The following JADE1 variants were observed in gnomAD, a reference collection of about 807,000 sequenced individuals.
JADE1 encodes the protein protein Jade-1.
A neutral mutation model predicts 81.8 loss-of-function variants in JADE1; 14 were observed. The observed-to-expected ratio is 0.17, with a 90% CI of 0.11 to 0.27. JADE1 has a LOEUF of 0.27. Among genes scored for constraint, JADE1 ranks in the 10% least tolerant of loss-of-function variants. The pLI, the probability that JADE1 is intolerant of heterozygous loss-of-function variation, is 1.00. For synonymous variants in JADE1, 353 were observed against 391.9 expected (o/e 0.90, Z 1.17); for missense variants, 690 against 1,047.9 (o/e 0.66, Z 4.71).
At chr4:128,841,620 A>C (rs1399985720) in intron 2 of JADE1, among the ~76,000 whole-genome samples, 1 of 152,192 alleles carries the variant, frequency 6.6e-6, no homozygotes, top group Non-Finnish European at 1.5e-5. Flanking sequence ...GATCTAAGGA[A>C]TACCTTAGGA....
intron 2 of JADE1, among the ~76,000 whole-genome samples, chr4:128,842,539 G>T (rs1729527507): frequency 6.6e-6 from 1 of 152,090 alleles, no homozygotes; most frequent in Non-Finnish European, 1.5e-5. Flanking sequence ...ACCTCAGGTG[G>T]TCCACCTGCC....
In JADE1 at chr4:128,846,227, G is replaced by A. The variant is rs1206673829; in HGVS notation, c.139-148G>A. Reference sequence around the variant, plus strand: ...CTGAGTGAGGTAAAAGGCGTGTCAGGCAAAGTTTTTCTGTAATAGGTCAGG... The same window carrying A: ...CTGAGTGAGGTAAAAGGCGTGTCAGACAAAGTTTTTCTGTAATAGGTCAGG... On this transcript the variant is annotated intron_variant, in intron 3 of 10. Transcript: ENST00000226319. This position sits in a 1 kb window ranked among gnomAD's most constrained non-coding sequence, Gnocchi z 4.0. 7 of 770,822 alleles carry A rather than the reference G, an allele frequency of 9.1e-6. No homozygotes were observed. Among genetic ancestry groups the A allele is most frequent in the Non-Finnish European group, 1.5e-5 (7 of 478,854 alleles). 47.7% of individuals were successfully genotyped at this position (770,822 alleles called of 1,614,324 possible). A position where few individuals can be genotyped will look rare whatever the true frequency, so the allele number is the denominator to read the frequency against.
intron 1 of JADE1, among the ~76,000 whole-genome samples, chr4:128,825,579 A>G (rs1371350008): frequency 1.3e-5 from 2 of 152,078 alleles, no homozygotes; most frequent in Non-Finnish European, 2.9e-5. Context: ...TTGCTATCTC[A>G]TGTGCATGTA....
intron 1 of JADE1, among the ~76,000 whole-genome samples, chr4:128,813,157 C>A (rs936882197): frequency 4.6e-5 from 7 of 152,144 alleles, no homozygotes; most frequent in African/African-American, 1.7e-4. Flanking sequence ...TAGTAAGTTG[C>A]ATTTTGATCA....
intron 1 of JADE1, among the ~76,000 whole-genome samples, chr4:128,810,827 T>A (rs944895928): frequency 1.3e-5 from 2 of 152,110 alleles, no homozygotes; most frequent in South Asian, 2.1e-4. Context: ...GCGCGACTGC[T>A]TGTAAAGTGT....
At chr4:128,857,235 G>T (rs923053657) in intron 7 of JADE1, 103 bp from the exon 8 acceptor site, 4 of 892,766 alleles carry the variant, frequency 4.5e-6, no homozygotes, top group Non-Finnish European at 7.4e-6. Flanking sequence ...GCCACTGTCT[G>T]GTAGGAGAGA....
chr4:128,862,961 G>T, intron 9 of JADE1: 1 of 986,186 alleles, frequency 1.0e-6, no homozygotes, highest in African/African-American at 1.7e-5. Flanking sequence ...CTGTGTGCGG[G>T]TATGGGTGGG....
intron 9 of JADE1, chr4:128,863,276 T>G: frequency 1.0e-6 from 1 of 985,530 alleles, no homozygotes; most frequent in Non-Finnish European, 1.2e-6. Context: ...TGGGGATGCT[T>G]CTTAGAGCAT....
In JADE1 at chr4:128,843,017, T is replaced by A. The variant is rs745697367; in HGVS notation, c.117T>A (p.His39Gln). 1 of 1,614,012 alleles carries A rather than the reference T, an allele frequency of 6.2e-7. No individual in the cohort carries two copies. The highest frequency in any genetic ancestry group is 2.2e-5 in the East Asian group (1 of 44,874). Residue 39 changes from histidine to glutamine, a missense_variant, in exon 3 of 11, where the codon CAT becomes CAA. His to Gln is a conservative substitution (Grantham distance 24, BLOSUM62 0). Around this residue, in one of 8 missense-constraint regions of JADE1, gnomAD observed 59 missense variants for 52.8 expected, o/e 1.12. Transcript: ENST00000226319. ...SQHRRSSCSR[H>Q]EDRKPSEVFR... ...ATAGGAGAAGCTCCTGCTCCAGACA[T>A]GAAGATCGAAAGCCTTCAGAGGTAC...
At chr4:128,816,197 T>G (rs1727017978) in intron 1 of JADE1, among the ~76,000 whole-genome samples, 1 of 152,216 alleles carries the variant, frequency 6.6e-6, no homozygotes, top group Admixed American at 6.5e-5. Context: ...ACCATGTATT[T>G]ACAATCTGGA....
intron 1 of JADE1, among the ~76,000 whole-genome samples, chr4:128,820,031 G>A (rs1407780551): frequency 6.6e-6 from 1 of 152,196 alleles, no homozygotes; most frequent in African/African-American, 2.4e-5. Flanking sequence ...AGTAGGAAAG[G>A]TGGATTAAAT....
chr4:128,836,741 T>C (rs796740052), intron 2 of JADE1, among the ~76,000 whole-genome samples: 2 of 147,380 alleles, frequency 1.4e-5, no homozygotes, highest in African/African-American at 5.3e-5. Context: ...AGCACTGTTT[T>C]TTTTTTTTTT....
At chr4:128,859,532 T>C (rs1731132406) in intron 8 of JADE1, among the ~76,000 whole-genome samples, 1 of 149,816 alleles carries the variant, frequency 6.7e-6, no homozygotes, top group Admixed American at 6.7e-5. Context: ...CTTGTGTATG[T>C]GTGTATGCAT....
chr4:128,868,457 GA>G (rs1302347213), intron 10 of JADE1, among the ~76,000 whole-genome samples: 82 of 152,310 alleles, frequency 5.4e-4, no homozygotes, highest in African/African-American at 1.8e-3. Context: ...GTTCACAGTA[GA>G]TTTTTTTTGT....
intron 1 of JADE1, among the ~76,000 whole-genome samples, chr4:128,817,840 G>T (rs571141490): frequency 1.9e-4 from 29 of 152,118 alleles, no homozygotes; most frequent in Non-Finnish European, 3.7e-4. Flanking sequence ...TTAAATTCTG[G>T]TGACTTCTTT....
intron 1 of JADE1, among the ~76,000 whole-genome samples, chr4:128,830,335 G>A (rs1298464926): frequency 1.3e-5 from 2 of 151,640 alleles, no homozygotes; most frequent in Admixed American, 1.3e-4. Flanking sequence ...CTGAGTTCAA[G>A]CGATTCTCCT....
chr4:128,831,933 CA>C, intron 2 of JADE1, 123 bp downstream of exon 2: 1 of 868,118 alleles, frequency 1.2e-6, no homozygotes. Context: ...CAGAGAAAGC[CA>C]AAGCCTGGAG....
In JADE1 at chr4:128,871,658, T is replaced by C. The variant is rs1265277366; in HGVS notation, c.1925T>C (p.Leu642Pro). 1 of 1,614,164 alleles carries C rather than the reference T, an allele frequency of 6.2e-7. No individual in the cohort carries two copies. Among genetic ancestry groups the C allele is most frequent in the Non-Finnish European group, 8.5e-7 (1 of 1,180,018 alleles). ...GAAAAGACCTTTGCAGAAGCACGTC[T>C]CATATCAGCACAACAGAAAAATGGT... ...GLEKTFAEARLISAQQKNGVV... is the reference protein window; with the variant it reads ...GLEKTFAEARPISAQQKNGVV... Residue 642 changes from leucine to proline, a missense_variant, in exon 11 of 11, where the codon CTC (leucine) becomes CCC (proline). Leu to Pro is a moderately conservative substitution (Grantham distance 98). Coordinates refer to ENST00000226319, the MANE Select transcript of JADE1 (RefSeq NM_199320.4). The surrounding 1 kb of genome is among the most constrained non-coding windows in gnomAD (Gnocchi z 4.1).
At chr4:128,812,407 G>GA (rs1300276805) in intron 1 of JADE1, among the ~76,000 whole-genome samples, 2 of 151,880 alleles carry the variant, frequency 1.3e-5, no homozygotes, top group Non-Finnish European at 2.9e-5. Flanking sequence ...AGCGTTCGCC[G>GA]CTGCGGGGCG....
Sources: allele counts gnomAD v4.1 joint callset (sites outside exome capture counted in the v4.1 genomes callset), GRCh38; gene constraint gnomAD v4.1.1; regional missense constraint gnomAD v4.1.1; non-coding constraint Gnocchi (gnomAD v3.1); transcripts MANE v1.5; gene names NCBI Gene and HGNC (gene_info 2026-07-23, HGNC 2026-07-21).